The following COLGALT2 variants were observed in gnomAD, a reference collection of about 807,000 sequenced individuals.
COLGALT2 encodes procollagen galactosyltransferase 2.
A neutral mutation model predicts 73.4 loss-of-function variants in COLGALT2; 49 were observed. That is an observed-to-expected ratio of 0.67 (90% CI 0.53 to 0.85). The LOEUF (loss-of-function observed/expected upper bound fraction) is 0.85. Among genes scored for constraint, COLGALT2 ranks in the 40% least tolerant of loss-of-function variants. The pLI is 0.00. For synonymous variants in COLGALT2, 295 were observed against 307.6 expected (o/e 0.96, Z 0.43); for missense variants, 722 against 790.2 (o/e 0.91, Z 1.03).
intron 1 of COLGALT2, among the ~76,000 whole-genome samples, chr1:184,000,708 T>C (rs1348479440): frequency 1.3e-5 from 2 of 152,094 alleles, no homozygotes; most frequent in Non-Finnish European, 2.9e-5. Flanking sequence ...ATTCTTTACC[T>C]ACTAGTAAAT....
chr1:183,971,884 C>A (rs1294128760), intron 4 of COLGALT2, among the ~76,000 whole-genome samples: 2 of 152,194 alleles, frequency 1.3e-5, no homozygotes, highest in Admixed American at 6.5e-5. Context: ...GGCTATACTG[C>A]AGTTTACTTA....
chr1:183,954,831 A>C lies in COLGALT2; in HGVS notation c.960T>G (p.Arg320=). The C allele has an allele frequency of 6.2e-7, 1 of 1,612,672 alleles. No homozygotes were observed. Among genetic ancestry groups the C allele is most frequent in the Non-Finnish European group, 8.5e-7 (1 of 1,178,846 alleles). ...CATACTGGGAGGGTTCCATTGGAGG[A>C]CGGTCAACTGGAAGACACAAGAAAC... The part of the protein sequence containing the change: ...IHVQIEAMID[R]PPMEPSQYVS... Residue 320 remains arginine (R), a synonymous_variant, in exon 7 of 12, where the codon CGT becomes CGG. Coordinates refer to ENST00000361927, the MANE Select transcript of COLGALT2 (RefSeq NM_015101.4).
chr1:184,004,377 A>C (rs10911486), intron 1 of COLGALT2, among the ~76,000 whole-genome samples: 16,689 of 152,276 alleles, frequency 0.11, 1,462 homozygotes, highest in East Asian at 0.43. Context: ...TAGGAGGTAA[A>C]CAGTAACACA....
At chr1:183,979,221 A>T (rs1671285554) in intron 1 of COLGALT2, among the ~76,000 whole-genome samples, 1 of 152,212 alleles carries the variant, frequency 6.6e-6, no homozygotes, top group African/African-American at 2.4e-5. Context: ...TCATTTATTT[A>T]AAAAGTATTT....
At chr1:183,994,477 CAG>C (rs1671717994) in intron 1 of COLGALT2, among the ~76,000 whole-genome samples, 1 of 151,872 alleles carries the variant, frequency 6.6e-6, no homozygotes, top group Admixed American at 6.6e-5. Context: ...TTATTTGAGA[CAG>C]AGTCTTGCTC....
At chr1:183,962,922 C>T (rs1429889428) in intron 6 of COLGALT2, among the ~76,000 whole-genome samples, 3 of 152,218 alleles carry the variant, frequency 2.0e-5, no homozygotes, top group Non-Finnish European at 2.9e-5. Context: ...CTTGGCGGGG[C>T]TCCTGCCCAC....
At chr1:183,957,502 T>C (rs370392869) in intron 6 of COLGALT2, among the ~76,000 whole-genome samples, 19 of 152,344 alleles carry the variant, frequency 1.2e-4, no homozygotes, top group African/African-American at 4.6e-4. Context: ...CTACCGCTTC[T>C]TCTCTATAAT....
chr1:184,036,981 C>T (rs919729533), intron 1 of COLGALT2, 114 bp downstream of exon 1: 1 of 932,226 alleles, frequency 1.1e-6, no homozygotes, highest in Non-Finnish European at 1.4e-6. Context: ...TCCGCGTGCC[C>T]CCCCGCCCCT....
chr1:183,976,192 G>A (rs1671184765), intron 2 of COLGALT2, among the ~76,000 whole-genome samples: 2 of 151,874 alleles, frequency 1.3e-5, no homozygotes, highest in African/African-American at 4.8e-5. Context: ...GTGCAAAGAA[G>A]GGACACAAAG....
intron 1 of COLGALT2, among the ~76,000 whole-genome samples, chr1:184,006,092 T>C (rs1248923040): frequency 6.6e-6 from 1 of 152,246 alleles, no homozygotes; most frequent in African/African-American, 2.4e-5. Context: ...GCATACTATA[T>C]GTACAGTTTT....
chr1:183,936,359 A>G lies in COLGALT2; in HGVS notation c.*2402T>C, dbSNP rs961580134. The stretch of plus-strand genomic sequence containing the variant: ...CTCACAGTGTTCACCAGAAAAGAAC[A>G]CTGCTTGGGATTCTAGACCTGAGCA... On this transcript the variant is annotated 3_prime_UTR_variant, in exon 12 of 12. Coordinates refer to ENST00000361927, the MANE Select transcript of COLGALT2 (RefSeq NM_015101.4). 8 of 985,782 alleles carry G rather than the reference A, an allele frequency of 8.1e-6. No individual in the cohort carries two copies. Among genetic ancestry groups the G allele is most frequent in the Non-Finnish European group, 8.4e-6 (7 of 829,986 alleles). 61.1% of individuals were successfully genotyped at this position (985,782 alleles called of 1,614,324 possible).
Position 183,954,836 on chromosome 1 carries a change from C to A in COLGALT2, c.955G>T (p.Asp319Tyr). Residue 319 changes from aspartate to tyrosine, a missense_variant and splice_region_variant, in exon 7 of 12, where the codon GAC (aspartate) becomes TAC (tyrosine). Coordinates refer to ENST00000361927, the MANE Select transcript of COLGALT2 (RefSeq NM_015101.4). ...TGGGAGGGTTCCATTGGAGGACGGT[C>A]AACTGGAAGACACAAGAAACATGCA... ...LIHVQIEAMI[D>Y]RPPMEPSQYV... 1 of 1,611,964 alleles carries A rather than the reference C, an allele frequency of 6.2e-7. No homozygotes were observed. Among genetic ancestry groups the A allele is most frequent in the South Asian group, 1.1e-5 (1 of 91,002 alleles).
intron 10 of COLGALT2, 62 bp downstream of exon 10, chr1:183,944,134 T>TGC: frequency 6.6e-7 from 1 of 1,523,952 alleles, no homozygotes; most frequent in Non-Finnish European, 8.8e-7. Flanking sequence ...TGGGGCTCTC[T>TGC]GCGCATTGGA....
At chr1:184,019,680 C>A (rs571128786) in intron 1 of COLGALT2, among the ~76,000 whole-genome samples, 1 of 152,270 alleles carries the variant, frequency 6.6e-6, no homozygotes, top group African/African-American at 2.4e-5. Flanking sequence ...AAACCCAAAA[C>A]AAATTGCTCT....
At chr1:183,967,237 T>G (rs1670900267) in intron 5 of COLGALT2, among the ~76,000 whole-genome samples, 1 of 152,264 alleles carries the variant, frequency 6.6e-6, no homozygotes, top group Admixed American at 6.5e-5. Context: ...CCTGCCCTGT[T>G]CATGGTCTGC....
At chr1:183,940,063 C>T (rs1322159752) in intron 11 of COLGALT2, among the ~76,000 whole-genome samples, 1 of 152,192 alleles carries the variant, frequency 6.6e-6, no homozygotes, top group African/African-American at 2.4e-5. Flanking sequence ...ACATCATGCT[C>T]AGGTATCAGG....
intron 6 of COLGALT2, among the ~76,000 whole-genome samples, chr1:183,963,485 G>A (rs954850615): frequency 1.3e-5 from 2 of 152,090 alleles, no homozygotes; most frequent in African/African-American, 4.8e-5. Context: ...GGCTGTATTA[G>A]CCTTTTTACA....
chr1:183,985,850 G>A (rs1671473148), intron 1 of COLGALT2, among the ~76,000 whole-genome samples: 1 of 152,112 alleles, frequency 6.6e-6, no homozygotes, highest in Non-Finnish European at 1.5e-5. Context: ...CTAGTGAGTT[G>A]GCAAAGGTAA....
At chr1:183,939,365 C>T (rs565634842) in intron 11 of COLGALT2, among the ~76,000 whole-genome samples, 1 of 152,246 alleles carries the variant, frequency 6.6e-6, no homozygotes, top group South Asian at 2.1e-4. Context: ...ACCAAAAATG[C>T]CCTGCTTTGG....
Sources: allele counts gnomAD v4.1 joint callset (sites outside exome capture counted in the v4.1 genomes callset), GRCh38; gene constraint gnomAD v4.1.1; transcripts MANE v1.5; gene names NCBI Gene and HGNC (gene_info 2026-07-23, HGNC 2026-07-21).